CSMD1: variants seen among roughly 807,000 people sequenced by gnomAD.
The protein encoded by CSMD1 is CUB and sushi domain-containing protein 1.
CSMD1 carries 213 observed loss-of-function variants against 417.5 expected under a neutral mutation model. The observed-to-expected ratio is 0.51, with a 90% confidence interval of 0.46 to 0.57. The LOEUF (loss-of-function observed/expected upper bound fraction) is 0.57, where lower values mean the gene tolerates loss of function less well. Among genes scored for constraint, CSMD1 ranks in the 20% least tolerant of loss-of-function variants. The pLI is 0.00. For synonymous variants in CSMD1, 2,862 were observed against 1,736.8 expected (o/e 1.65, Z -16.11); for missense variants, 6,923 against 4,529.7 (o/e 1.53, Z -15.17).
intron 2 of CSMD1, among the ~76,000 whole-genome samples, chr8:4,580,408 A>C (rs556619904): frequency 6.6e-6 from 1 of 152,348 alleles, no homozygotes; most frequent in African/African-American, 2.4e-5. Flanking sequence ...GTGTAACACA[A>C]ATAATGATAT....
chr8:3,940,228 A>T (rs1240776655), intron 5 of CSMD1, among the ~76,000 whole-genome samples: 1 of 152,040 alleles, frequency 6.6e-6, no homozygotes, highest in Non-Finnish European at 1.5e-5. Flanking sequence ...AAAAACAGAG[A>T]AGTTAATTTT....
intron 26 of CSMD1, among the ~76,000 whole-genome samples, chr8:3,270,494 T>C (rs898137784): frequency 6.6e-6 from 1 of 152,242 alleles, no homozygotes; most frequent in Non-Finnish European, 1.5e-5. Context: ...ACCATTGAAC[T>C]TCATAAAACT....
rs181146688 is a variant in CSMD1 at position 3,183,801 on chromosome 8, C to A, written c.5621-2587G>T. ...CCTCCAATCAGTCATCACGCCTTAA[C>A]TGGCGTGCATTCTAAATATTTTCCC... On this transcript the variant is annotated intron_variant, in intron 36 of 69. Coordinates refer to ENST00000635120, the MANE Select transcript of CSMD1 (RefSeq NM_033225.6). Among the ~76,000 whole-genome samples, 3 of 152,346 alleles carry A rather than the reference C, an allele frequency of 2.0e-5. No homozygotes were observed. The East Asian group carries it at 5.8e-4, about 29-fold the overall frequency.
intron 1 of CSMD1, among the ~76,000 whole-genome samples, chr8:4,920,906 GA>G (rs1806413189): frequency 4.5e-5 from 1 of 22,202 alleles, no homozygotes; most frequent in Non-Finnish European, 1.2e-4. Context: ...GAAAAGAAAA[GA>G]AAAGAAAAGA....
At chr8:4,468,009 T>C (rs1324921642) in intron 2 of CSMD1, among the ~76,000 whole-genome samples, 1 of 152,172 alleles carries the variant, frequency 6.6e-6, no homozygotes, top group Non-Finnish European at 1.5e-5. Context: ...ATTTGTGTAG[T>C]GATAACCCCA....
At chr8:3,678,381 G>A (rs186190205) in intron 7 of CSMD1, among the ~76,000 whole-genome samples, 2 of 152,170 alleles carry the variant, frequency 1.3e-5, no homozygotes, top group Non-Finnish European at 2.9e-5. Context: ...CGGGAACTAC[G>A]TGATGAATGC....
chr8:3,384,788 ATT>A (rs1491539146), intron 18 of CSMD1, among the ~76,000 whole-genome samples: 8 of 123,780 alleles, frequency 6.5e-5, no homozygotes, highest in East Asian at 2.2e-4. Context: ...TATAATATAT[ATT>A]AATATATGCT....
At chr8:4,581,570 C>A (rs1799419431) in intron 2 of CSMD1, among the ~76,000 whole-genome samples, 1 of 152,148 alleles carries the variant, frequency 6.6e-6, no homozygotes, top group African/African-American at 2.4e-5. Context: ...AAAAAATACT[C>A]AATATATCAT....
chr8:4,276,307 A>G (rs1796482921), intron 3 of CSMD1, among the ~76,000 whole-genome samples: 2 of 152,252 alleles, frequency 1.3e-5, no homozygotes, highest in Admixed American at 1.3e-4. Flanking sequence ...AAAAAGGATC[A>G]GTTAATGTCC....
rs566591839 is a variant in CSMD1 at position 4,951,870 on chromosome 8, T to A, written c.85+42462A>T. Among the ~76,000 whole-genome samples the A allele has an allele frequency of 1.3e-3, 192 of 151,690 alleles. 1 individual carries two copies. Among genetic ancestry groups the A allele is most frequent in the African/African-American group, 4.5e-3 (186 of 41,454 alleles). ...TAATACACTGAAGGACCACCCTGCA[T>A]ATACAATGAGCTATAAAATATTAAT... On this transcript the variant is annotated intron_variant, in intron 1 of 69. Coordinates refer to ENST00000635120, the MANE Select transcript of CSMD1 (RefSeq NM_033225.6).
intron 3 of CSMD1, among the ~76,000 whole-genome samples, chr8:4,383,422 A>G (rs770412924): frequency 7.9e-5 from 12 of 152,150 alleles, no homozygotes; most frequent in Non-Finnish European, 1.8e-4. Context: ...CATTTCCGTT[A>G]AGTCCAGCCA....
intron 12 of CSMD1, among the ~76,000 whole-genome samples, chr8:3,456,278 C>T (rs1177900244): frequency 1.4e-5 from 2 of 144,274 alleles, no homozygotes; most frequent in Non-Finnish European, 3.0e-5. Flanking sequence ...CGATGCCTTG[C>T]CCTGCTTCAG....
intron 26 of CSMD1, among the ~76,000 whole-genome samples, chr8:3,255,871 G>T (rs1015442057): frequency 3.3e-5 from 5 of 152,104 alleles, no homozygotes; most frequent in African/African-American, 4.8e-5. Flanking sequence ...TGCACCCACT[G>T]TCCTGCACCC....
intron 1 of CSMD1, among the ~76,000 whole-genome samples, chr8:4,652,333 A>G (rs1481534164): frequency 2.0e-5 from 3 of 152,158 alleles, no homozygotes; most frequent in African/African-American, 7.2e-5. Context: ...AGTCTAATGT[A>G]TTAGCATCAG....
At chr8:3,771,220 G>T (rs57749374) in intron 5 of CSMD1, among the ~76,000 whole-genome samples, 1 of 152,076 alleles carries the variant, frequency 6.6e-6, no homozygotes, top group Non-Finnish European at 1.5e-5. Context: ...CAGCTACTTT[G>T]GGGTTTTGAA....
chr8:4,203,688 T>TCA (rs925590242), intron 3 of CSMD1, among the ~76,000 whole-genome samples: 11 of 151,782 alleles, frequency 7.2e-5, no homozygotes, highest in African/African-American at 1.2e-4. Flanking sequence ...TAAGTAGGGA[T>TCA]CACACACACA....
At chr8:4,104,155 C>G (rs1003293792) in intron 3 of CSMD1, among the ~76,000 whole-genome samples, 1 of 152,214 alleles carries the variant, frequency 6.6e-6, no homozygotes, top group African/African-American at 2.4e-5. Context: ...GCAGCAGTTA[C>G]TGTCCTTGAT....
At chr8:3,795,186 T>TAGATATCTATCATGTACAGATATAGAC (rs1799992855) in intron 5 of CSMD1, among the ~76,000 whole-genome samples, 9 of 100,282 alleles carry the variant, frequency 9.0e-5, no homozygotes, top group East Asian at 3.3e-4. Context: ...CAGCTATAGA[T>TAGATATCTATCATGTACAGATATAGAC]ACCTATCATG....
chr8:4,850,227 C>T (rs1283898602), intron 1 of CSMD1, among the ~76,000 whole-genome samples: 2 of 152,078 alleles, frequency 1.3e-5, no homozygotes, highest in Admixed American at 1.3e-4. Context: ...CATTTTATTA[C>T]TGAGCTCCAA....
Sources: allele counts gnomAD v4.1 joint callset (sites outside exome capture counted in the v4.1 genomes callset), GRCh38; gene constraint gnomAD v4.1.1; transcripts MANE v1.5; gene names NCBI Gene and HGNC (gene_info 2026-07-23, HGNC 2026-07-21).